Variants in REXO4 observed in about 807,000 individuals in gnomAD.
REXO4 encodes RNA exonuclease 4, also known as REX4 homolog, 3'-5' exonuclease.
A neutral mutation model predicts 39.9 loss-of-function variants in REXO4; 29 were observed. The observed-to-expected ratio is 0.73, with a 90% CI of 0.54 to 0.99. REXO4 has a LOEUF of 0.99. Ranked by LOEUF, REXO4 falls within the 50% of genes least tolerant of loss-of-function variation. The probability of loss-of-function intolerance (pLI) is 0.00; values close to 1 mark genes in which losing one functional copy is unlikely to be tolerated. For missense variants in REXO4, 524 were observed against 546.5 expected, an observed-to-expected ratio of 0.96 and a Z score of 0.41; for synonymous variants, 184 against 206.2, an observed-to-expected ratio of 0.89 and a Z score of 0.92.
chr9:133,417,163 C>T (rs1046594065), intron 1 of REXO4, among the ~76,000 whole-genome samples: 1 of 152,214 alleles, frequency 6.6e-6, no homozygotes, highest in African/African-American at 2.4e-5. Context: ...CGGCGCGCGC[C>T]ATCACGCCCG....
chr9:133,416,265 C>G (rs75766626), intron 1 of REXO4, among the ~76,000 whole-genome samples: 1 of 152,248 alleles, frequency 6.6e-6, no homozygotes, highest in South Asian at 2.1e-4. Context: ...AGAACTTACT[C>G]GTTACTGAGG....
chr9:133,414,541 G>C (rs587734026), intron 2 of REXO4, 124 bp downstream of exon 2: 1 of 877,512 alleles, frequency 1.1e-6, no homozygotes, highest in African/African-American at 1.6e-5. Flanking sequence ...GTAAACAAAG[G>C]AACAGACGAC....
intron 1 of REXO4, among the ~76,000 whole-genome samples, 174 bp downstream of exon 1, chr9:133,417,446 C>A (rs781972320): frequency 6.6e-6 from 1 of 152,262 alleles, no homozygotes; most frequent in African/African-American, 2.4e-5. Flanking sequence ...TTCTTTCAAG[C>A]AAACAAGTTC....
intron 5 of REXO4, 36 bp downstream of exon 5, chr9:133,410,949 A>C: frequency 6.6e-7 from 1 of 1,507,070 alleles, no homozygotes; most frequent in Non-Finnish European, 9.2e-7. Flanking sequence ...CCCACGGAGC[A>C]GGGGCAGGCT....
At chr9:133,416,549 C>G (rs1440032188) in intron 1 of REXO4, among the ~76,000 whole-genome samples, 2 of 152,078 alleles carry the variant, frequency 1.3e-5, no homozygotes, top group South Asian at 2.1e-4. Context: ...CAGCAGTGAG[C>G]TATGATCCTA....
At position 133,406,756 on chromosome 9, in the gene REXO4, A is replaced by C; in HGVS notation, c.*197T>G. 2.5e-6 allele frequency: 2 copies of C among 785,604 alleles called. No individual in the cohort carries two copies. The highest frequency in any genetic ancestry group is 2.0e-6 in the Non-Finnish European group (1 of 502,464). The allele number at this position is 785,604 out of a possible 1,614,324, so 48.7% of individuals were successfully genotyped here. ...ACCCTGACCATCCGGGCCCAAACAC[A>C]CATGGACAGTAAGACCAGGTTTCAG... is the stretch of plus-strand genomic sequence containing the variant. On this transcript the variant is annotated 3_prime_UTR_variant, in exon 8 of 8. Coordinates refer to ENST00000371942, the MANE Select transcript of REXO4 (RefSeq NM_020385.4).
chr9:133,411,841 G>A (rs905438463), intron 4 of REXO4, among the ~76,000 whole-genome samples: 8 of 151,948 alleles, frequency 5.3e-5, no homozygotes, highest in African/African-American at 1.7e-4. Flanking sequence ...CAGGAGAATC[G>A]CTTGAACCCA....
chr9:133,414,643 T>A, intron 2 of REXO4, 22 bp downstream of exon 2: 1 of 1,610,022 alleles, frequency 6.2e-7, no homozygotes, highest in Non-Finnish European at 8.5e-7. Context: ...CGGTTCTCAG[T>A]GGTGAGGTGG....
At position 133,407,075 on chromosome 9, in the gene REXO4, A is replaced by G. The variant is rs889986335; in HGVS notation, c.1150-3T>C. On this transcript the variant is annotated splice_region_variant and splice_polypyrimidine_tract_variant and intron_variant, in intron 7 of 7. Transcript: ENST00000371942. Reference sequence around the variant, plus strand: ...ATTGCTGCCTGGGCATCCTGAATCTAGACGACATGAAACATCCCAGCAGGT... The same window carrying G: ...ATTGCTGCCTGGGCATCCTGAATCTGGACGACATGAAACATCCCAGCAGGT... 6.2e-6 allele frequency: 10 copies of G among 1,612,564 alleles called. No individual in the cohort carries two copies. The African/African-American group carries it at 1.1e-4, about 17-fold the overall frequency.
At chr9:133,408,509 C>CA (rs1839034953) in intron 6 of REXO4, among the ~76,000 whole-genome samples, 1 of 151,674 alleles carries the variant, frequency 6.6e-6, no homozygotes, top group East Asian at 1.9e-4. Flanking sequence ...CCCTCTAGAG[C>CA]AGATACGACA....
intron 1 of REXO4, among the ~76,000 whole-genome samples, chr9:133,417,168 C>T (rs1488794686): frequency 6.6e-6 from 1 of 152,210 alleles, no homozygotes; most frequent in Admixed American, 6.5e-5. Flanking sequence ...CGCGCCATCA[C>T]GCCCGGCTAA....
chr9:133,406,836 C>G lies in REXO4; in HGVS notation c.*117G>C. The G allele has an allele frequency of 1.3e-6, 2 of 1,487,278 alleles. No homozygotes were observed. Among genetic ancestry groups the G allele is most frequent in the Non-Finnish European group, 9.2e-7 (1 of 1,092,732 alleles). 92.1% of individuals were successfully genotyped at this position (1,487,278 alleles called of 1,614,324 possible). Reference sequence around the variant, plus strand: ...CTCAGTAGCACCACGCCACGCCCCTCTGCCATGATTCTGAAAAGGTTTCAC... The same window carrying G: ...CTCAGTAGCACCACGCCACGCCCCTGTGCCATGATTCTGAAAAGGTTTCAC... On this transcript the variant is annotated 3_prime_UTR_variant, in exon 8 of 8. Coordinates refer to ENST00000371942, the MANE Select transcript of REXO4 (RefSeq NM_020385.4).
At chr9:133,414,641 A>G in intron 2 of REXO4, 24 bp downstream of exon 2, 1 of 1,608,124 alleles carries the variant, frequency 6.2e-7, no homozygotes, top group African/African-American at 1.3e-5. Flanking sequence ...CTCGGTTCTC[A>G]GTGGTGAGGT....
chr9:133,414,953 C>T lies in REXO4; in HGVS notation c.284G>A (p.Gly95Asp). The change falls in exon 2 of 8, where the codon GGT becomes GAT. Residue 95 changes from glycine (G) to aspartate (D), a missense_variant. Gly to Asp is a moderately conservative substitution (Grantham distance 94). Transcript: ENST00000371942. ...PEKPLVISQM[G>D]SKKKPKIIQQ... ...GATAATTTTGGGCTTCTTTTTGGAA[C>T]CCATCTGAGAGATGACAAGAGGCTT... 6.2e-7 allele frequency: 1 copy of T among 1,612,040 alleles called. No individual in the cohort carries two copies. The highest frequency in any genetic ancestry group is 8.5e-7 in the Non-Finnish European group (1 of 1,179,630).
intron 1 of REXO4, among the ~76,000 whole-genome samples, chr9:133,417,306 C>A (rs1250232613): frequency 7.9e-5 from 12 of 152,210 alleles, no homozygotes; most frequent in Admixed American, 7.9e-4. Context: ...CGTGAGGCCC[C>A]GCGCCCGGCC....
chr9:133,408,969 T>TGCGC (rs1554779603), intron 5 of REXO4, 127 bp from the exon 6 acceptor site: 2 of 524,936 alleles, frequency 3.8e-6, no homozygotes, highest in South Asian at 4.4e-5. Context: ...TGTGTGTGTG[T>TGCGC]GTGTGTGTGT....
At chr9:133,417,593 C>T in intron 1 of REXO4, 27 bp downstream of exon 1, 1 of 1,608,080 alleles carries the variant, frequency 6.2e-7, no homozygotes, top group Non-Finnish European at 8.5e-7. Flanking sequence ...CTGCGCAGCG[C>T]TCCGCCCGGG....
In REXO4 at chr9:133,407,052, T is replaced by C. The variant is rs1838918635; in HGVS notation, c.1170A>G (p.Ala390=). ...EHCSIQDAQA[A]MRLYVMVKKE... is the part of the protein sequence containing the mutation. ...TCTTCACCATGACGTACAGCCTCAT[T>C]GCTGCCTGGGCATCCTGAATCTAGA... The change falls in exon 8 of 8, where the codon GCA becomes GCG. Residue 390 remains alanine (A), a synonymous_variant. Transcript: ENST00000371942. The C allele has an allele frequency of 1.9e-6, 3 of 1,613,300 alleles. No homozygotes were observed. The highest frequency in any genetic ancestry group is 1.3e-5 in the African/African-American group (1 of 75,034).
Position 133,412,899 on chromosome 9 carries a change from C to T in REXO4, c.595G>A (p.Val199Met), listed in dbSNP as rs201137079. The T allele has an allele frequency of 1.1e-5, 18 of 1,613,894 alleles. No homozygotes were observed. The highest frequency in any genetic ancestry group is 1.4e-5 in the Non-Finnish European group (17 of 1,180,038). The change falls in exon 3 of 8, where the codon GTG (valine) becomes ATG (methionine). Residue 199 changes from valine (V) to methionine (M), a missense_variant. Physicochemically the swap from Val to Met is conservative, Grantham distance 21. Coordinates refer to ENST00000371942, the MANE Select transcript of REXO4 (RefSeq NM_020385.4). ...PTEEDIWFDD[V>M]DPADIEAAIG... ...GCAGCTTCGATATCCGCTGGGTCCACGTCGTCAAACCAGATGTCTTCCCTA... is the reference window on the plus strand; with the variant it reads ...GCAGCTTCGATATCCGCTGGGTCCATGTCGTCAAACCAGATGTCTTCCCTA...
Sources: gnomAD v4.1 joint callset for allele counts (sites outside exome capture counted in the v4.1 genomes callset) on GRCh38, gnomAD v4.1.1 for gene constraint, MANE v1.5 for transcripts, NCBI Gene and HGNC (gene_info 2026-07-23, HGNC 2026-07-21) for gene names.